Variants in PTPRN2 observed in about 807,000 individuals in gnomAD.
PTPRN2 encodes receptor-type tyrosine-protein phosphatase N2.
Under a neutral mutation model 118.8 loss-of-function variants are expected in PTPRN2, and 74 were observed. The ratio of observed to expected loss-of-function variants is 0.62; its 90% CI spans 0.52 to 0.76. The LOEUF (loss-of-function observed/expected upper bound fraction) is 0.76. Among genes scored for constraint, PTPRN2 ranks in the 30% least tolerant of loss-of-function variants. PTPRN2 has a pLI of 0.00. For synonymous variants in PTPRN2, 641 were observed against 608.0 expected, an observed-to-expected ratio of 1.05 and a Z score of -0.80; for missense variants, 1,481 against 1,394.4, an observed-to-expected ratio of 1.06 and a Z score of -0.99.
At chr7:158,105,619 C>T (rs1815621106) in intron 10 of PTPRN2, among the ~76,000 whole-genome samples, 2 of 151,916 alleles carry the variant, frequency 1.3e-5, no homozygotes, top group African/African-American at 4.8e-5. Context: ...CCAAGCTGAA[C>T]CAAGCTCCAT....
chr7:157,724,004 C>T (rs573940003), intron 12 of PTPRN2, among the ~76,000 whole-genome samples: 64 of 151,784 alleles, frequency 4.2e-4, no homozygotes, highest in Non-Finnish European at 7.8e-4. Context: ...GTCTGAATCG[C>T]GCTGGTGTAT....
At chr7:158,542,012 T>C (rs927134230) in intron 1 of PTPRN2, among the ~76,000 whole-genome samples, 1 of 152,276 alleles carries the variant, frequency 6.6e-6, no homozygotes, top group Non-Finnish European at 1.5e-5. Flanking sequence ...CATTTCTATA[T>C]ATTTGTCAAA....
In PTPRN2 at chr7:157,874,019, C is replaced by G. The variant is rs1440375121; in HGVS notation, c.1788+24654G>C. On this transcript the variant is annotated intron_variant, in intron 12 of 22. Transcript: ENST00000389418. The surrounding 1 kb of genome is among the most constrained non-coding windows in gnomAD (Gnocchi z 5.8). ...ACCCTGAGCAGCCTCGGGAAGAGCT[C>G]TCGGGACCTCGGGGGAGTGAGGTGG... Among the ~76,000 whole-genome samples, 1 of 152,214 alleles carries G rather than the reference C, an allele frequency of 6.6e-6. No individual in the cohort carries two copies. The highest frequency in any genetic ancestry group is 6.5e-5 in the Admixed American group (1 of 15,286).
At chr7:158,398,831 T>C (rs1040969869) in intron 2 of PTPRN2, among the ~76,000 whole-genome samples, 1 of 152,242 alleles carries the variant, frequency 6.6e-6, no homozygotes, top group Non-Finnish European at 1.5e-5. Context: ...AACACATCAC[T>C]GTTTCCAAGC....
intron 10 of PTPRN2, among the ~76,000 whole-genome samples, chr7:158,109,083 T>C (rs1406367158): frequency 6.6e-6 from 1 of 150,952 alleles, no homozygotes; most frequent in Non-Finnish European, 1.5e-5. Flanking sequence ...GTGAATGACA[T>C]CACCCCTGTG....
At chr7:157,901,254 C>T (rs1166897708) in intron 11 of PTPRN2, among the ~76,000 whole-genome samples, 1 of 152,228 alleles carries the variant, frequency 6.6e-6, no homozygotes, top group Non-Finnish European at 1.5e-5. Flanking sequence ...GTCCCTCCCC[C>T]ACATCCAAAG....
intron 2 of PTPRN2, among the ~76,000 whole-genome samples, chr7:158,331,782 A>T (rs1323668324): frequency 8.0e-5 from 12 of 150,874 alleles, no homozygotes; most frequent in Admixed American, 2.6e-4. Context: ...AAGAGCTGTC[A>T]CGCACAGACA....
At chr7:158,362,999 G>A (rs1417027117) in intron 2 of PTPRN2, among the ~76,000 whole-genome samples, 1 of 152,162 alleles carries the variant, frequency 6.6e-6, no homozygotes, top group Non-Finnish European at 1.5e-5. Flanking sequence ...AGGTGGCCCT[G>A]GTCCCCATGA....
chr7:158,447,226 C>T (rs1233055616), intron 2 of PTPRN2, among the ~76,000 whole-genome samples: 1 of 152,182 alleles, frequency 6.6e-6, no homozygotes, highest in Non-Finnish European at 1.5e-5. Context: ...AGACAACACT[C>T]GGTGCCTCCC....
intron 11 of PTPRN2, among the ~76,000 whole-genome samples, chr7:157,918,099 G>A (rs957187590): frequency 2.0e-5 from 3 of 152,138 alleles, no homozygotes; most frequent in African/African-American, 7.2e-5. Flanking sequence ...TAGGTTCTGC[G>A]TTTTCTTAGT....
At chr7:157,662,459 C>T (rs1021960747) in intron 13 of PTPRN2, among the ~76,000 whole-genome samples, 7 of 152,126 alleles carry the variant, frequency 4.6e-5, no homozygotes, top group South Asian at 2.1e-4. Context: ...CACGAGTGAC[C>T]GCAAGAAGCG....
At chr7:157,724,415 C>G (rs2150921917) in intron 12 of PTPRN2, among the ~76,000 whole-genome samples, 1 of 152,282 alleles carries the variant, frequency 6.6e-6, no homozygotes, top group East Asian at 1.9e-4. Flanking sequence ...TTATTGGAGC[C>G]AATTTCCTGG....
At chr7:158,253,316 G>T (rs889560030) in intron 3 of PTPRN2, among the ~76,000 whole-genome samples, 2 of 152,194 alleles carry the variant, frequency 1.3e-5, no homozygotes, top group Non-Finnish European at 2.9e-5. Flanking sequence ...AGGACTGACC[G>T]GGGCCAGCAC....
intron 12 of PTPRN2, among the ~76,000 whole-genome samples, chr7:157,771,810 C>A (rs1446880250): frequency 1.4e-5 from 2 of 145,026 alleles, no homozygotes; most frequent in Admixed American, 7.0e-5. Context: ...CACAAACACA[C>A]AGACACAGAC....
At chr7:157,563,904 A>C (rs548062603) in intron 21 of PTPRN2, among the ~76,000 whole-genome samples, 1 of 140,726 alleles carries the variant, frequency 7.1e-6, no homozygotes, top group African/African-American at 2.7e-5. Context: ...CCACATCACC[A>C]CACCACACAC....
intron 22 of PTPRN2, among the ~76,000 whole-genome samples, chr7:157,542,710 T>G (rs949388759): frequency 2.0e-5 from 3 of 152,158 alleles, no homozygotes; most frequent in Non-Finnish European, 4.4e-5. Flanking sequence ...AGACAGGTGC[T>G]CTACTCACTG....
chr7:157,597,827 C>T (rs1801434166), intron 16 of PTPRN2, among the ~76,000 whole-genome samples: 1 of 152,184 alleles, frequency 6.6e-6, no homozygotes, highest in South Asian at 2.1e-4. Flanking sequence ...GTGGGGGCCA[C>T]TGGGAAGGCG....
chr7:158,566,019 G>A (rs1278870993), intron 1 of PTPRN2, among the ~76,000 whole-genome samples: 2 of 152,136 alleles, frequency 1.3e-5, no homozygotes, highest in Non-Finnish European at 2.9e-5. Flanking sequence ...ATAACTTTGA[G>A]AATCAATAAA....
intron 11 of PTPRN2, among the ~76,000 whole-genome samples, chr7:157,930,683 G>C (rs1272897826): frequency 6.6e-6 from 1 of 152,178 alleles, no homozygotes; most frequent in Non-Finnish European, 1.5e-5. Context: ...AGCCTCCTTG[G>C]GCAAAGCTGG....
Sources: allele counts gnomAD v4.1 joint callset (sites outside exome capture counted in the v4.1 genomes callset), GRCh38; gene constraint gnomAD v4.1.1; non-coding constraint Gnocchi (gnomAD v3.1); transcripts MANE v1.5; gene names NCBI Gene and HGNC (gene_info 2026-07-23, HGNC 2026-07-21).